Variants in DAB1 observed in about 807,000 individuals in gnomAD.
The protein encoded by DAB1 is disabled homolog 1.
DAB1 carries 15 observed loss-of-function variants against 64.6 expected under a neutral mutation model. That is an observed-to-expected ratio of 0.23 (90% CI 0.16 to 0.36). The LOEUF is 0.36. Among genes scored for constraint, DAB1 ranks in the 10% least tolerant of loss-of-function variants. The pLI is 1.00. For missense variants in DAB1, 596 were observed against 706.7 expected, an observed-to-expected ratio of 0.84 and a Z score of 1.78; for synonymous variants, 235 against 251.9, an observed-to-expected ratio of 0.93 and a Z score of 0.64.
At chr1:57,309,432 A>C (rs978874861) in intron 1 of DAB1, among the ~76,000 whole-genome samples, 1 of 152,222 alleles carries the variant, frequency 6.6e-6, no homozygotes, top group Non-Finnish European at 1.5e-5. Flanking sequence ...TAAACATTTC[A>C]AAAAGCATAA....
intron 7 of DAB1, among the ~76,000 whole-genome samples, chr1:57,506,868 G>A (rs987445030): frequency 7.9e-5 from 12 of 152,186 alleles, no homozygotes; most frequent in African/African-American, 2.4e-4. Context: ...GCCAACTCCC[G>A]TAGATTTGAT....
At chr1:57,906,701 G>C (rs559756890) in intron 5 of DAB1, among the ~76,000 whole-genome samples, 11 of 152,122 alleles carry the variant, frequency 7.2e-5, no homozygotes, top group African/African-American at 1.2e-4. Flanking sequence ...GAAGATGAGG[G>C]AAGAGGGTAC....
At chr1:58,501,490 G>A (rs985198189) in intron 3 of DAB1, among the ~76,000 whole-genome samples, 1 of 152,106 alleles carries the variant, frequency 6.6e-6, no homozygotes, top group Non-Finnish European at 1.5e-5. Context: ...CCTTACAGGG[G>A]CGATAAGGCC....
At chr1:57,029,669 C>A (rs1232839045) in intron 9 of DAB1, among the ~76,000 whole-genome samples, 2 of 152,180 alleles carry the variant, frequency 1.3e-5, no homozygotes, top group African/African-American at 2.4e-5. Context: ...GGATGTGAGA[C>A]CTGGTGTCAA....
chr1:57,114,440 T>G (rs774611216), intron 4 of DAB1, among the ~76,000 whole-genome samples: 12 of 152,198 alleles, frequency 7.9e-5, no homozygotes, highest in Non-Finnish European at 1.0e-4. Context: ...CTGCTCTTTC[T>G]TAAAGAGAAT....
intron 5 of DAB1, among the ~76,000 whole-genome samples, chr1:57,944,989 T>G (rs983067513): frequency 6.6e-6 from 1 of 152,214 alleles, no homozygotes; most frequent in Non-Finnish European, 1.5e-5. Flanking sequence ...ACCTGAAAGT[T>G]GAAAAGGTCT....
chr1:58,035,114 C>G (rs1326988489), intron 5 of DAB1, among the ~76,000 whole-genome samples: 1 of 152,166 alleles, frequency 6.6e-6, no homozygotes. Flanking sequence ...TGGAGAGAAA[C>G]GGGCTGCTGG....
chr1:57,163,660 G>C (rs1298509588), intron 2 of DAB1, among the ~76,000 whole-genome samples: 7 of 151,942 alleles, frequency 4.6e-5, no homozygotes, highest in African/African-American at 7.3e-5. Flanking sequence ...GTAGAAGCAG[G>C]GGCTAATAAT....
chr1:57,631,522 T>G, intron 7 of DAB1, among the ~76,000 whole-genome samples: 1 of 152,062 alleles, frequency 6.6e-6, no homozygotes, highest in Middle Eastern at 3.4e-3. Context: ...AATATTTAAC[T>G]TAGTGATTTA....
chr1:57,832,737 G>A (rs890438227), intron 1 of DAB1, among the ~76,000 whole-genome samples: 7 of 152,210 alleles, frequency 4.6e-5, no homozygotes, highest in African/African-American at 1.4e-4. Context: ...AGTCAAAGTA[G>A]CTGCAGTCTT....
chr1:58,309,309 G>A (rs1161327051), intron 4 of DAB1, among the ~76,000 whole-genome samples: 4 of 152,122 alleles, frequency 2.6e-5, no homozygotes, highest in Non-Finnish European at 5.9e-5. Context: ...AGCCTCAAAT[G>A]TTTGGTATTT....
At chr1:57,711,828 C>T (rs1647032937) in intron 6 of DAB1, among the ~76,000 whole-genome samples, 1 of 152,040 alleles carries the variant, frequency 6.6e-6, no homozygotes, top group South Asian at 2.1e-4. Flanking sequence ...AGAGGCATGT[C>T]TATGGAAACA....
intron 1 of DAB1, among the ~76,000 whole-genome samples, chr1:57,338,755 G>A (rs947786955): frequency 6.6e-6 from 1 of 152,144 alleles, no homozygotes; most frequent in African/African-American, 2.4e-5. Context: ...ACAGTCTTGT[G>A]TACTAGTCAT....
intron 7 of DAB1, among the ~76,000 whole-genome samples, chr1:57,633,591 G>T (rs1320055893): frequency 4.6e-5 from 7 of 152,214 alleles, no homozygotes; most frequent in Admixed American, 3.3e-4. Context: ...TATTTTCTAA[G>T]GCTGGCATTG....
At chr1:58,018,105 T>C (rs1646767245) in intron 5 of DAB1, among the ~76,000 whole-genome samples, 1 of 151,810 alleles carries the variant, frequency 6.6e-6, no homozygotes, top group Non-Finnish European at 1.5e-5. Context: ...TAAGTGCTTT[T>C]TACTGCATTC....
At chr1:58,439,904 A>AT (rs1196926509) in intron 3 of DAB1, among the ~76,000 whole-genome samples, 1 of 148,026 alleles carries the variant, frequency 6.8e-6, no homozygotes, top group African/African-American at 2.4e-5. Context: ...TTTTTCTCAT[A>AT]TTTTGTAACA....
chr1:58,247,777 C>T (rs1298686920), intron 4 of DAB1, among the ~76,000 whole-genome samples: 1 of 149,386 alleles, frequency 6.7e-6, no homozygotes. Flanking sequence ...TTCTCCTCAC[C>T]ACCACCCTCC....
In DAB1 at chr1:57,077,871, G is replaced by A. The variant is rs200605700; in HGVS notation, c.307-5457C>T. ...TGTGTGTGAGAGTGTGTGCTTTCCC[G>A]AGGCAATACTATTCACAGGAAAAAT... On this transcript the variant is annotated intron_variant, in intron 4 of 14. Coordinates refer to ENST00000371236, the MANE Select transcript of DAB1 (RefSeq NM_001365792.1). Among the ~76,000 whole-genome samples the A allele has an allele frequency of 1.2e-4, 18 of 151,840 alleles. No individual in the cohort carries two copies. The East Asian group carries it at 2.7e-3, about 23-fold the overall frequency.
At chr1:57,458,963 A>T (rs1235732988) in intron 7 of DAB1, among the ~76,000 whole-genome samples, 1 of 152,136 alleles carries the variant, frequency 6.6e-6, no homozygotes, top group Non-Finnish European at 1.5e-5. Flanking sequence ...AAATTTAAAT[A>T]ATGAGTATTA....
Sources: allele counts gnomAD v4.1 joint callset (sites outside exome capture counted in the v4.1 genomes callset), GRCh38; gene constraint gnomAD v4.1.1; transcripts MANE v1.5; gene names NCBI Gene and HGNC (gene_info 2026-07-23, HGNC 2026-07-21).